MED13: variants seen among roughly 807,000 people sequenced by gnomAD.
MED13 encodes mediator complex subunit 13, also known as mediator of RNA polymerase II transcription subunit 13.
MED13 carries 23 observed loss-of-function variants against 225.2 expected under a neutral mutation model. The ratio of observed to expected loss-of-function variants is 0.10; its 90% CI spans 0.07 to 0.14. The LOEUF is 0.14. Among genes scored for constraint, MED13 ranks in the 10% least tolerant of loss-of-function variants. The pLI is 1.00. For synonymous variants in MED13, 942 were observed against 889.2 expected, an observed-to-expected ratio of 1.06 and a Z score of -1.06; for missense variants, 2,197 against 2,594.5, an observed-to-expected ratio of 0.85 and a Z score of 3.33.
At chr17:62,059,704 T>A (rs1182354103) in intron 2 of MED13, among the ~76,000 whole-genome samples, 1 of 152,150 alleles carries the variant, frequency 6.6e-6, no homozygotes, top group Non-Finnish European at 1.5e-5. Flanking sequence ...AGAGGCAGAC[T>A]AATTACCCCA....
chr17:62,023,074 T>C (rs977171732), intron 8 of MED13, among the ~76,000 whole-genome samples: 10 of 152,160 alleles, frequency 6.6e-5, no homozygotes, highest in African/African-American at 2.2e-4. Flanking sequence ...TAGTATCTAA[T>C]TGGCAACTAG....
At chr17:62,035,100 G>A (rs541178867) in intron 4 of MED13, among the ~76,000 whole-genome samples, 8 of 152,006 alleles carry the variant, frequency 5.3e-5, no homozygotes, top group Non-Finnish European at 8.8e-5. Flanking sequence ...CAGCCTGGGC[G>A]ACAGAGCGAA....
At chr17:61,982,073 TA>T in intron 16 of MED13, 124 bp downstream of exon 16, 1 of 833,130 alleles carries the variant, frequency 1.2e-6, no homozygotes, top group Non-Finnish European at 1.8e-6. Flanking sequence ...ACATCATCCA[TA>T]AAGAGTTTTA....
At chr17:61,965,628 T>C (rs1166082920) in intron 19 of MED13, among the ~76,000 whole-genome samples, 160 bp from the exon 20 acceptor site, 1 of 152,164 alleles carries the variant, frequency 6.6e-6, no homozygotes, top group African/African-American at 2.4e-5. Flanking sequence ...TGCTTTCTAT[T>C]TTCCCCTAGA....
Position 61,965,041 on chromosome 17 carries a change from T to G in MED13, c.4809A>C (p.Ser1603=). 6.2e-7 allele frequency: 1 copy of G among 1,614,062 alleles called. No homozygotes were observed. The highest frequency in any genetic ancestry group is 1.3e-5 in the African/African-American group (1 of 75,050). The change falls in exon 20 of 30, where the codon TCA becomes TCC. Residue 1603 remains serine (S), a synonymous_variant. Transcript: ENST00000397786. ...CATCAGGATGCGGCTGAGTGGGAAG[T>G]GAAGATGATTCTCCAGAAATCCCAG... ...QTAGISGESS[S]LPTQPHPDVS...
rs112576725 is a variant in MED13 at position 62,022,010 on chromosome 17, TACA to T, written c.1283+7528_1283+7530del. Among the ~76,000 whole-genome samples, 41 of 151,918 alleles carry T rather than the reference TACA, an allele frequency of 2.7e-4. 1 individual carries two copies. Among genetic ancestry groups the T allele is most frequent in the African/African-American group, 9.4e-4 (39 of 41,412 alleles). On this transcript the variant is annotated intron_variant, in intron 8 of 29. Coordinates refer to ENST00000397786, the MANE Select transcript of MED13 (RefSeq NM_005121.3). ...GGTAAAACCCCATCTCTACTAAAAA[TACA>T]ACAATTAATCTGGATGTGGTGGTAT...
At chr17:62,058,520 CAAAAAAAAAAAAAAA>C (rs751957495) in intron 2 of MED13, among the ~76,000 whole-genome samples, 3 of 53,456 alleles carry the variant, frequency 5.6e-5, no homozygotes, top group Non-Finnish European at 7.8e-5. Flanking sequence ...GACTTCATCT[CAAAAAAAAAAAAAAA>C]AAAAAAAGAA....
In MED13 at chr17:61,961,736, T is replaced by C. The variant is rs772175801; in HGVS notation, c.5108A>G (p.Asp1703Gly). The C allele has an allele frequency of 1.2e-6, 2 of 1,614,066 alleles. No homozygotes were observed. Among genetic ancestry groups the C allele is most frequent in the Non-Finnish European group, 1.7e-6 (2 of 1,179,994 alleles). ...QYLLQPVKHEDREIYPQHLKS... is the reference protein window; with the variant it reads ...QYLLQPVKHEGREIYPQHLKS... ...TAAATGCTGGGGATAGATTTCTCTA[T>C]CTTCATGCTTCACAGGTTGCAACAG... The change falls in exon 22 of 30, where the codon GAT (aspartate) becomes GGT (glycine). Residue 1703 changes from aspartate to glycine, a missense_variant. By Grantham distance (94) the Asp-to-Gly change is moderately conservative. This residue lies in a region of MED13 where 457 missense variants were observed against 442.2 expected (regional missense o/e 1.03). Coordinates refer to ENST00000397786, the MANE Select transcript of MED13 (RefSeq NM_005121.3).
intron 28 of MED13, among the ~76,000 whole-genome samples, chr17:61,947,989 A>G (rs990711552): frequency 6.6e-6 from 1 of 152,220 alleles, no homozygotes; most frequent in Non-Finnish European, 1.5e-5. Context: ...ATTTAGGAAT[A>G]TAACCAAAAA....
intron 28 of MED13, 146 bp downstream of exon 28, chr17:61,950,679 T>G (rs1044387172): frequency 2.7e-6 from 2 of 739,010 alleles, no homozygotes; most frequent in Middle Eastern, 3.5e-4. Flanking sequence ...CCACCGTGCC[T>G]TCGTGATCTT....
At chr17:62,019,734 ATTTCTTTT>A (rs909749781) in intron 8 of MED13, among the ~76,000 whole-genome samples, 1 of 151,028 alleles carries the variant, frequency 6.6e-6, no homozygotes, top group African/African-American at 2.4e-5. Context: ...GTACAATTGA[ATTTCTTTT>A]TTTCTTTTTT....
chr17:61,951,381 C>T (rs2079895123), intron 27 of MED13, among the ~76,000 whole-genome samples: 1 of 152,116 alleles, frequency 6.6e-6, no homozygotes, highest in African/African-American at 2.4e-5. Context: ...TTCAATTTAG[C>T]TTTGTTAATC....
At position 62,020,193 on chromosome 17, in the gene MED13, G is replaced by A. The variant is rs946168407; in HGVS notation, c.1284-8960C>T. 2.0e-5 allele frequency among the ~76,000 whole-genome samples: 3 copies of A among 151,678 alleles called. No individual in the cohort carries two copies. The East Asian group carries it at 5.8e-4, about 29-fold the overall frequency. ...GTATGCAGTACTTTAATGTTAACAT[G>A]AGAAATTTAATGTATTGCTTTTTAC... On this transcript the variant is annotated intron_variant, in intron 8 of 29. Coordinates refer to ENST00000397786, the MANE Select transcript of MED13 (RefSeq NM_005121.3).
At position 62,065,110 on chromosome 17, in the gene MED13, C is replaced by A. The variant is rs202128660; in HGVS notation, c.66+30G>T. 3.4e-4 allele frequency: 520 copies of A among 1,523,486 alleles called. No individual in the cohort carries two copies. The African/African-American group carries it at 6.6e-3, about 19-fold the overall frequency. The allele number at this position is 1,523,486 out of a possible 1,614,324, so 94.4% of individuals were successfully genotyped here. A position where few individuals can be genotyped will look rare whatever the true frequency, so the allele number is the denominator to read the frequency against. On this transcript the variant is annotated intron_variant, in intron 1 of 29. Coordinates refer to ENST00000397786, the MANE Select transcript of MED13 (RefSeq NM_005121.3). ...CAAGGGCGCACCTCGCGGCCCCCCT[C>A]CCTCGGCGCCCGCCGGCCCCGGCAC...
intron 8 of MED13, among the ~76,000 whole-genome samples, chr17:62,025,522 T>A (rs1193827334): frequency 6.6e-6 from 1 of 152,106 alleles, no homozygotes; most frequent in African/African-American, 2.4e-5. Flanking sequence ...TACAAAAAAT[T>A]AGCCAGGTAT....
intron 8 of MED13, among the ~76,000 whole-genome samples, chr17:62,015,786 TACAC>T (rs1199644971): frequency 7.3e-6 from 1 of 136,428 alleles, no homozygotes; most frequent in East Asian, 2.3e-4. Context: ...TATATATATA[TACAC>T]ACACACTATA....
intron 23 of MED13, 36 bp downstream of exon 23, chr17:61,960,831 T>C (rs1216883812): frequency 7.2e-7 from 1 of 1,390,664 alleles, no homozygotes; most frequent in Non-Finnish European, 1.0e-6. Context: ...ATGTTACAAA[T>C]GGAATGATAT....
chr17:62,009,924 A>G (rs533129307), intron 9 of MED13, among the ~76,000 whole-genome samples: 6 of 152,304 alleles, frequency 3.9e-5, no homozygotes, highest in South Asian at 2.1e-4. Flanking sequence ...TACTGAAATA[A>G]TAAGTACCAA....
chr17:62,029,266 A>G (rs1023632842), intron 8 of MED13: 1 of 427,026 alleles, frequency 2.3e-6, no homozygotes, highest in African/African-American at 2.0e-5. Context: ...GATACTATAT[A>G]TACCATAGCT....
Sources: gnomAD v4.1 joint callset for allele counts (sites outside exome capture counted in the v4.1 genomes callset) on GRCh38, gnomAD v4.1.1 for gene constraint, gnomAD v4.1.1 regional missense constraint, MANE v1.5 for transcripts, NCBI Gene and HGNC (gene_info 2026-07-23, HGNC 2026-07-21) for gene names.